IGF1R: variants seen among roughly 807,000 people sequenced by gnomAD.
IGF1R encodes the protein insulin-like growth factor 1 receptor.
In IGF1R, 44 loss-of-function variants were observed where a neutral mutation model predicts 144.6. The ratio of observed to expected loss-of-function variants is 0.30; its 90% CI spans 0.24 to 0.39. IGF1R has a LOEUF of 0.39. IGF1R is among the 10% of genes least tolerant of loss of function. IGF1R has a pLI of 1.00. For synonymous variants in IGF1R, 795 were observed against 722.8 expected, an observed-to-expected ratio of 1.10 and a Z score of -1.60; for missense variants, 1,355 against 1,833.7, an observed-to-expected ratio of 0.74 and a Z score of 4.77.
rs1410424392 is a variant in IGF1R at position 98,796,194 on chromosome 15, A to T, written c.640+88087A>T. Among the ~76,000 whole-genome samples the T allele has an allele frequency of 2.0e-5, 3 of 152,002 alleles. No individual in the cohort carries two copies. The East Asian group carries it at 5.8e-4, about 29-fold the overall frequency. ...GTGGGCACTGTGCTGGGGGAATCCCATCACAGCATGTGCTGGCGTTAGTAG... is the reference window on the plus strand; with the variant it reads ...GTGGGCACTGTGCTGGGGGAATCCCTTCACAGCATGTGCTGGCGTTAGTAG... On this transcript the variant is annotated intron_variant, in intron 2 of 20. Coordinates refer to ENST00000650285, the MANE Select transcript of IGF1R (RefSeq NM_000875.5).
chr15:98,719,424 A>G (rs1394313941), intron 2 of IGF1R, among the ~76,000 whole-genome samples: 2 of 152,214 alleles, frequency 1.3e-5, no homozygotes, highest in Non-Finnish European at 2.9e-5. Flanking sequence ...TCTCAGAAGA[A>G]TGCTTCTTTA....
chr15:98,769,753 A>C (rs1355838802), intron 2 of IGF1R, among the ~76,000 whole-genome samples: 1 of 152,138 alleles, frequency 6.6e-6, no homozygotes, highest in Non-Finnish European at 1.5e-5. Flanking sequence ...TCTGTATCTC[A>C]TTTTGCCTGG....
chr15:98,818,364 T>TGA (rs1044785603), intron 2 of IGF1R, among the ~76,000 whole-genome samples: 17 of 151,978 alleles, frequency 1.1e-4, no homozygotes, highest in African/African-American at 4.1e-4. Flanking sequence ...TGGGGATGAG[T>TGA]GAGAAGCACA....
intron 2 of IGF1R, among the ~76,000 whole-genome samples, chr15:98,790,868 T>C (rs180793266): frequency 1.3e-5 from 2 of 152,388 alleles, no homozygotes; most frequent in Admixed American, 1.3e-4. Flanking sequence ...TGATTACCTT[T>C]AGTTCATTTA....
In IGF1R at chr15:98,875,546, C is replaced by CT. The variant is rs531702468; in HGVS notation, c.641-15766dup. Among the ~76,000 whole-genome samples, 1,226 of 144,324 alleles carry CT rather than the reference C, an allele frequency of 8.5e-3. 12 individuals are homozygous for CT. The highest frequency in any genetic ancestry group is 0.02 in the African/African-American group (800 of 39,626). The allele number at this position is 144,324 out of a possible 152,430, so 94.7% of individuals were successfully genotyped here. ...ATGCATGGGCAGTTATGTGTATGAACTTTTTTTTTTTTTGAGAATGGCTTT... is the reference window on the plus strand; with the variant it reads ...ATGCATGGGCAGTTATGTGTATGAACTTTTTTTTTTTTTTGAGAATGGCTTT... On this transcript the variant is annotated intron_variant, in intron 2 of 20. Transcript: ENST00000650285.
At chr15:98,716,549 A>C (rs1180756594) in intron 2 of IGF1R, among the ~76,000 whole-genome samples, 1 of 152,204 alleles carries the variant, frequency 6.6e-6, no homozygotes, top group Non-Finnish European at 1.5e-5. Flanking sequence ...TATGGCTTTA[A>C]GCTGGATGTT....
Position 98,963,453 on chromosome 15 carries a change from T to C in IGF1R, c.*6011T>C, listed in dbSNP as rs992865240. 1.7e-5 allele frequency: 4 copies of C among 233,100 alleles called. No homozygotes were observed. The highest frequency in any genetic ancestry group is 6.6e-5 in the African/African-American group (3 of 45,304). The allele number at this position is 233,100 out of a possible 1,614,324, so 14.4% of individuals were successfully genotyped here. A position where few individuals can be genotyped will look rare whatever the true frequency, so the allele number is the denominator to read the frequency against. On this transcript the variant is annotated 3_prime_UTR_variant, in exon 21 of 21. Transcript: ENST00000650285. ...TTTTACTGGTCATTTCCCTTTGGAG[T>C]GTAGCTACTTTAACAGATGGAAAGA... is the stretch of plus-strand genomic sequence containing the variant.
intron 2 of IGF1R, among the ~76,000 whole-genome samples, chr15:98,816,236 C>A (rs1307398237): frequency 6.6e-6 from 1 of 152,196 alleles, no homozygotes; most frequent in Non-Finnish European, 1.5e-5. Context: ...CCTCATCAGG[C>A]CTTTCTCTGA....
At chr15:98,870,614 G>A (rs1362300816) in intron 2 of IGF1R, among the ~76,000 whole-genome samples, 1 of 152,220 alleles carries the variant, frequency 6.6e-6, no homozygotes, top group Non-Finnish European at 1.5e-5. Context: ...GCATGTGTGT[G>A]TGTGTTTGTG....
At chr15:98,835,335 C>G (rs537404823) in intron 2 of IGF1R, among the ~76,000 whole-genome samples, 86 of 152,034 alleles carry the variant, frequency 5.7e-4, no homozygotes, top group African/African-American at 1.9e-3. Context: ...GATAGGACTA[C>G]CTACCATTCA....
At chr15:98,945,252 A>G (rs1224603794) in intron 19 of IGF1R, among the ~76,000 whole-genome samples, 3 of 152,256 alleles carry the variant, frequency 2.0e-5, no homozygotes, top group African/African-American at 7.2e-5. Context: ...ACAAATAGCC[A>G]AGGTTATTTG....
intron 20 of IGF1R, 82 bp downstream of exon 20, chr15:98,948,790 A>AT: frequency 6.7e-7 from 1 of 1,491,044 alleles, no homozygotes; most frequent in Middle Eastern, 1.7e-4. Flanking sequence ...AGATTAGGAG[A>AT]TTAAAGCCAT....
At chr15:98,717,575 C>T (rs745584841) in intron 2 of IGF1R, among the ~76,000 whole-genome samples, 1 of 152,138 alleles carries the variant, frequency 6.6e-6, no homozygotes, top group African/African-American at 2.4e-5. Flanking sequence ...TGTATCTTTA[C>T]AGAACATTCA....
At chr15:98,727,434 T>C (rs2054387363) in intron 2 of IGF1R, among the ~76,000 whole-genome samples, 1 of 152,182 alleles carries the variant, frequency 6.6e-6, no homozygotes, top group Non-Finnish European at 1.5e-5. Context: ...CTGCCCGTAG[T>C]TTAATTCTGC....
At chr15:98,836,794 T>G (rs2684774) in intron 2 of IGF1R, among the ~76,000 whole-genome samples, 31,084 of 152,160 alleles carry the variant, frequency 0.2, 4,361 homozygotes, top group African/African-American at 0.4. Flanking sequence ...TATTTTTGAA[T>G]AGTATGGACA....
intron 20 of IGF1R, among the ~76,000 whole-genome samples, chr15:98,956,799 G>A (rs980811712): frequency 2.6e-5 from 4 of 152,230 alleles, no homozygotes; most frequent in African/African-American, 9.6e-5. Flanking sequence ...AGTCCTTCTT[G>A]GGAAAGGAGA....
intron 1 of IGF1R, among the ~76,000 whole-genome samples, chr15:98,675,720 G>GT (rs1472893742): frequency 6.6e-6 from 1 of 151,426 alleles, no homozygotes; most frequent in African/African-American, 2.4e-5. Context: ...GTTAAGTGAA[G>GT]TAAGATACCT....
chr15:98,685,646 C>T (rs2053308742), intron 1 of IGF1R, among the ~76,000 whole-genome samples: 1 of 152,218 alleles, frequency 6.6e-6, no homozygotes, highest in African/African-American at 2.4e-5. Context: ...AAAGATGCCT[C>T]TGTGGGCTGG....
intron 19 of IGF1R, among the ~76,000 whole-genome samples, chr15:98,945,782 G>C (rs918490179): frequency 2.0e-5 from 3 of 152,106 alleles, no homozygotes; most frequent in African/African-American, 7.2e-5. Context: ...ATGGTTCAGT[G>C]TCCACACCTT....
Sources: allele counts gnomAD v4.1 joint callset (sites outside exome capture counted in the v4.1 genomes callset), GRCh38; gene constraint gnomAD v4.1.1; transcripts MANE v1.5; gene names NCBI Gene and HGNC (gene_info 2026-07-23, HGNC 2026-07-21).